GSN: variants seen among roughly 807,000 people sequenced by gnomAD.
The protein encoded by GSN is gelsolin.
Under a neutral mutation model 85.7 loss-of-function variants are expected in GSN, and 56 were observed. The observed-to-expected ratio is 0.65, with a 90% confidence interval of 0.53 to 0.82. The LOEUF is 0.82. Among genes scored for constraint, GSN ranks in the 40% least tolerant of loss-of-function variants. GSN has a pLI of 0.00. For missense variants in GSN, 857 were observed against 979.8 expected, an observed-to-expected ratio of 0.87 and a Z score of 1.67; for synonymous variants, 373 against 399.1, an observed-to-expected ratio of 0.93 and a Z score of 0.78.
At chr9:121,230,652 C>T (rs10985186) in intron 4 of GSN, among the ~76,000 whole-genome samples, 7,845 of 152,118 alleles carry the variant, frequency 0.052, 430 homozygotes, top group Admixed American at 0.14. Flanking sequence ...CTTTTTCCAT[C>T]GGTAAAATGG....
chr9:121,239,941 T>G (rs1452715899), intron 5 of GSN: 1 of 160,264 alleles, frequency 6.2e-6, no homozygotes, highest in Non-Finnish European at 1.4e-5. Flanking sequence ...CTCTTGATAC[T>G]GTGATGTATG....
chr9:121,210,795 C>T (rs1435147399), exon 4 of GSN: 1 of 152,172 alleles, frequency 6.6e-6, no homozygotes, highest in African/African-American at 2.4e-5. Context: ...AATGACTTGC[C>T]GAATTTTTAG....
At chr9:121,235,171 A>G (rs540370065) in intron 5 of GSN, among the ~76,000 whole-genome samples, 3 of 152,300 alleles carry the variant, frequency 2.0e-5, no homozygotes, top group South Asian at 4.1e-4. Flanking sequence ...GGCTTTAGCA[A>G]TCTCGCACCC....
intron 4 of GSN, chr9:121,309,129 G>A (rs2060775718): frequency 6.6e-6 from 1 of 152,244 alleles, no homozygotes; most frequent in Non-Finnish European, 1.5e-5. Context: ...CACTTGCTGA[G>A]TGCCCTTGAG....
chr9:121,321,730 TG>T (rs1281165009), intron 11 of GSN, among the ~76,000 whole-genome samples: 4 of 123,776 alleles, frequency 3.2e-5, no homozygotes, highest in Non-Finnish European at 6.8e-5. Flanking sequence ...AATTTATATT[TG>T]TTTATTTATT....
intron 4 of GSN, chr9:121,309,067 G>A (rs1440381515): frequency 3.3e-5 from 5 of 152,328 alleles, no homozygotes; most frequent in East Asian, 3.9e-4. Flanking sequence ...GCAGGGAGAC[G>A]AGCACCCGAT....
chr9:121,301,731 G>A (rs140979496), intron 2 of GSN, among the ~76,000 whole-genome samples: 32 of 152,222 alleles, frequency 2.1e-4, no homozygotes, highest in Non-Finnish European at 4.1e-4. Context: ...GAGGGGCTGA[G>A]TAGGAGGGAC....
chr9:121,326,751 C>G, intron 13 of GSN, 69 bp downstream of exon 13: 1 of 1,340,764 alleles, frequency 7.5e-7, no homozygotes, highest in Non-Finnish European at 1.1e-6. Flanking sequence ...ATGACCAGAT[C>G]TCCAGGCACA....
upstream of GSN, among the ~76,000 whole-genome samples, chr9:121,266,375 G>A (rs959446661): frequency 3.3e-5 from 5 of 152,196 alleles, no homozygotes; most frequent in African/African-American, 9.6e-5. Flanking sequence ...TGTGTATGCC[G>A]GGGCTTGTAA....
At chr9:121,324,409 C>G (rs1484041964) in intron 11 of GSN, 145 bp from the exon 12 acceptor site, 1 of 668,196 alleles carries the variant, frequency 1.5e-6, no homozygotes, top group African/African-American at 1.8e-5. Context: ...GTTCCTGGCT[C>G]TCGTTGTTCT....
chr9:121,236,007 T>C (rs2054485417), intron 5 of GSN, among the ~76,000 whole-genome samples: 1 of 152,084 alleles, frequency 6.6e-6, no homozygotes, highest in South Asian at 2.1e-4. Flanking sequence ...ACAACAGAAA[T>C]GTATTGTCTC....
rs947378168 is a variant in GSN, at chr9:121,329,037, A to C, written c.1887+22A>C. The C allele has an allele frequency of 2.5e-6, 4 of 1,612,570 alleles. No individual in the cohort carries two copies. The highest frequency in any genetic ancestry group is 3.4e-6 in the Non-Finnish European group (4 of 1,179,746). On this transcript the variant is annotated intron_variant, in intron 15 of 17. Transcript: ENST00000432226. The surrounding 1 kb of genome is among the most constrained non-coding windows in gnomAD (Gnocchi z 4.6). ...TGTGGTGAGCCCCTGCGGAGGTCAC[A>C]CCTCTGCTTTCCCCTCGGGAGGCGA...
At position 121,241,947 on chromosome 9, in the gene GSN, T is replaced by C. The variant is rs141787980; in HGVS notation, c.-388-6329T>C. Reference sequence around the variant, plus strand: ...TGAAAGGTTTTGGACTTCAGGGTGTTTGACAGCATGAACTTTGGGTCTCTA... The same window carrying C: ...TGAAAGGTTTTGGACTTCAGGGTGTCTGACAGCATGAACTTTGGGTCTCTA... On this transcript the variant is annotated intron_variant, in intron 5 of 24. Transcript: ENST00000373823. 1.4e-4 allele frequency among the ~76,000 whole-genome samples: 22 copies of C among 152,358 alleles called. No homozygotes were observed. In the East Asian group the frequency reaches 4.2e-3, roughly 29 times the overall value.
At chr9:121,298,486 G>A (rs545800406) in intron 2 of GSN, among the ~76,000 whole-genome samples, 33 of 152,304 alleles carry the variant, frequency 2.2e-4, no homozygotes, top group African/African-American at 7.7e-4. Context: ...ATTAGATAGA[G>A]GCTGGACTTC....
chr9:121,273,464 C>A (rs949856029), intron 1 of GSN, among the ~76,000 whole-genome samples: 1 of 152,066 alleles, frequency 6.6e-6, no homozygotes, highest in African/African-American at 2.4e-5. Flanking sequence ...CTCCAAGGAC[C>A]TTTTCCCCCC....
chr9:121,287,412 G>A (rs969218555), intron 2 of GSN, among the ~76,000 whole-genome samples: 3 of 152,174 alleles, frequency 2.0e-5, no homozygotes, highest in Admixed American at 1.3e-4. Flanking sequence ...AGTCCTGGCT[G>A]AGCCTCAGAA....
intron 6 of GSN, among the ~76,000 whole-genome samples, chr9:121,258,569 G>A (rs1249380543): frequency 6.6e-6 from 1 of 152,100 alleles, no homozygotes; most frequent in Admixed American, 6.5e-5. Context: ...AAATCTAGAA[G>A]ATTGCAGAAG....
intron 4 of GSN, among the ~76,000 whole-genome samples, chr9:121,304,974 C>T (rs2060252631): frequency 6.6e-6 from 1 of 152,154 alleles, no homozygotes; most frequent in South Asian, 2.1e-4. Context: ...GTGCTCAGCT[C>T]TGAGAGGGGT....
chr9:121,229,282 G>A (rs1022100385), intron 4 of GSN, among the ~76,000 whole-genome samples: 2 of 152,104 alleles, frequency 1.3e-5, no homozygotes, highest in Admixed American at 6.6e-5. Flanking sequence ...GTACAGTGGC[G>A]CAGTCTCAGC....
Sources: gnomAD v4.1 joint callset for allele counts (sites outside exome capture counted in the v4.1 genomes callset) on GRCh38, gnomAD v4.1.1 for gene constraint, Gnocchi (gnomAD v3.1) non-coding constraint, MANE v1.5 for transcripts, NCBI Gene and HGNC (gene_info 2026-07-23, HGNC 2026-07-21) for gene names.